NFATC2: variants seen among roughly 807,000 people sequenced by gnomAD.
NFATC2 encodes nuclear factor of activated T-cells, cytoplasmic 2.
NFATC2 carries 22 observed loss-of-function variants against 87.3 expected under a neutral mutation model. That is an observed-to-expected ratio of 0.25 (90% CI 0.18 to 0.36). The LOEUF is 0.36. Ranked by LOEUF, NFATC2 falls within the 10% of genes least tolerant of loss-of-function variation. The pLI, the probability that NFATC2 is intolerant of heterozygous loss-of-function variation, is 1.00. For synonymous variants in NFATC2, 565 were observed against 542.2 expected (o/e 1.04, Z -0.58); for missense variants, 1,149 against 1,259.1 (o/e 0.91, Z 1.32).
At chr20:51,527,164 G>A (rs899103441) in intron 1 of NFATC2, among the ~76,000 whole-genome samples, 24 of 139,050 alleles carry the variant, frequency 1.7e-4, no homozygotes, top group African/African-American at 5.9e-4. Flanking sequence ...GCCTCCCAAA[G>A]TGTTGTGATT....
chr20:51,401,899 G>A (rs1664763287), intron 9 of NFATC2, among the ~76,000 whole-genome samples: 1 of 152,138 alleles, frequency 6.6e-6, no homozygotes, highest in Admixed American at 6.5e-5. Context: ...CCAAGAATCT[G>A]TCTCCTTGAC....
intron 10 of NFATC2, among the ~76,000 whole-genome samples, chr20:51,393,798 A>G (rs554008877): frequency 4.6e-5 from 7 of 152,202 alleles, no homozygotes; most frequent in South Asian, 4.2e-4. Context: ...CTTAATGAAA[A>G]CTTTCCACAG....
chr20:51,505,544 A>C (rs902028235), intron 3 of NFATC2, among the ~76,000 whole-genome samples: 7 of 151,932 alleles, frequency 4.6e-5, no homozygotes, highest in African/African-American at 1.7e-4. Context: ...ATACGAATGA[A>C]ATTTTTCGAA....
intron 3 of NFATC2, among the ~76,000 whole-genome samples, chr20:51,501,868 C>T (rs1043636796): frequency 6.6e-6 from 1 of 152,198 alleles, no homozygotes; most frequent in African/African-American, 2.4e-5. Flanking sequence ...GCTCTGCAGG[C>T]CACACATACA....
Position 51,391,081 on chromosome 20 carries a change from C to G in NFATC2, c.*415G>C, listed in dbSNP as rs556142242. ...CCCCCCAAGCTCCAGTCACTCTGTT[C>G]TCAGGAGAGTTCCAGTGTCCTGTCT... On this transcript the variant is annotated 3_prime_UTR_variant, in exon 11 of 11. Coordinates refer to ENST00000371564, the MANE Select transcript of NFATC2 (RefSeq NM_012340.5). The G allele has an allele frequency of 2.0e-6, 1 of 488,904 alleles. No individual in the cohort carries two copies. Among genetic ancestry groups the G allele is most frequent in the Non-Finnish European group, 3.9e-6 (1 of 259,076 alleles). The allele number at this position is 488,904 out of a possible 1,614,324, so 30.3% of individuals were successfully genotyped here.
At chr20:51,435,078 G>T in intron 8 of NFATC2, 110 bp downstream of exon 8, 2 of 1,370,290 alleles carry the variant, frequency 1.5e-6, no homozygotes, top group African/African-American at 1.5e-5. Context: ...GCTCAGAGAG[G>T]TTGAGTCATC....
chr20:51,439,962 C>G, intron 6 of NFATC2, among the ~76,000 whole-genome samples: 1 of 152,284 alleles, frequency 6.6e-6, no homozygotes, highest in South Asian at 2.1e-4. Flanking sequence ...CAGGGCCGGG[C>G]AAAGTGGCTC....
chr20:51,391,859 G>A (rs898779519), intron 10 of NFATC2, among the ~76,000 whole-genome samples: 1 of 152,010 alleles, frequency 6.6e-6, no homozygotes, highest in South Asian at 2.1e-4. Context: ...CCTTGTGCTT[G>A]TATATTTGAC....
intron 3 of NFATC2, among the ~76,000 whole-genome samples, chr20:51,477,095 C>T (rs974504848): frequency 6.6e-6 from 1 of 151,990 alleles, no homozygotes; most frequent in Non-Finnish European, 1.5e-5. Flanking sequence ...AAAATGTTTA[C>T]AAAAACAAAC....
intron 3 of NFATC2, among the ~76,000 whole-genome samples, chr20:51,493,284 G>A (rs73910888): frequency 0.015 from 2,238 of 151,708 alleles, 58 homozygotes; most frequent in African/African-American, 0.052. Context: ...ATTGGTATAA[G>A]CACAGCTCTT....
intron 9 of NFATC2, among the ~76,000 whole-genome samples, chr20:51,405,407 G>T: frequency 7.2e-6 from 1 of 139,384 alleles, no homozygotes; most frequent in East Asian, 2.2e-4. Flanking sequence ...GGAACTGTGG[G>T]TGTGCAGGCG....
At chr20:51,468,621 G>A (rs1987913008) in intron 5 of NFATC2, among the ~76,000 whole-genome samples, 1 of 152,238 alleles carries the variant, frequency 6.6e-6, no homozygotes, top group Admixed American at 6.5e-5. Flanking sequence ...GTGTGTGCCT[G>A]TGGACATCTC....
At chr20:51,547,860 C>T (rs1423367151) in intron 1 of NFATC2, among the ~76,000 whole-genome samples, 1 of 152,162 alleles carries the variant, frequency 6.6e-6, no homozygotes, top group Admixed American at 6.5e-5. Context: ...ACTAACTTCA[C>T]TGTTCTTCCT....
chr20:51,410,544 AAG>A (rs926010750), intron 9 of NFATC2, among the ~76,000 whole-genome samples: 2 of 151,636 alleles, frequency 1.3e-5, no homozygotes, highest in African/African-American at 2.4e-5. Flanking sequence ...AAAGGAAAGG[AAG>A]AGAGGGAGAG....
intron 3 of NFATC2, among the ~76,000 whole-genome samples, chr20:51,482,394 G>A (rs981530159): frequency 6.6e-6 from 1 of 151,446 alleles, no homozygotes; most frequent in African/African-American, 2.4e-5. Flanking sequence ...AAAGTACTAA[G>A]AGCTCACTCA....
At chr20:51,445,509 A>G (rs1220942713) in intron 6 of NFATC2, among the ~76,000 whole-genome samples, 1 of 152,146 alleles carries the variant, frequency 6.6e-6, no homozygotes, top group Non-Finnish European at 1.5e-5. Flanking sequence ...ATACCTTTTT[A>G]CTGCAAGTAT....
Position 51,411,439 on chromosome 20 carries a change from C to CAT in NFATC2, c.2723-12711_2723-12710dup, listed in dbSNP as rs1269323930. On this transcript the variant is annotated intron_variant, in intron 9 of 10. Coordinates refer to ENST00000371564, the MANE Select transcript of NFATC2 (RefSeq NM_012340.5). Reference sequence around the variant, plus strand: ...CCATGCACACACACATACACACACCCATACACACACACACAGTATAACTAC... The same window carrying CAT: ...CCATGCACACACACATACACACACCCATATACACACACACACAGTATAACTAC... Among the ~76,000 whole-genome samples the CAT allele has an allele frequency of 2.6e-5, 4 of 151,508 alleles. No individual in the cohort carries two copies. In the South Asian group the frequency reaches 6.3e-4, roughly 24 times the overall value.
At chr20:51,397,833 T>TG (rs545604173) in intron 10 of NFATC2, among the ~76,000 whole-genome samples, 108 of 152,324 alleles carry the variant, frequency 7.1e-4, no homozygotes, top group African/African-American at 2.5e-3. Flanking sequence ...CTGTGTGTGC[T>TG]GGTTTATTCC....
intron 10 of NFATC2, among the ~76,000 whole-genome samples, chr20:51,393,556 G>A (rs2146202600): frequency 6.6e-6 from 1 of 152,200 alleles, no homozygotes; most frequent in East Asian, 1.9e-4. Flanking sequence ...TGTGTACTGG[G>A]TAACAGCTGA....
Sources: allele counts gnomAD v4.1 joint callset (sites outside exome capture counted in the v4.1 genomes callset), GRCh38; gene constraint gnomAD v4.1.1; transcripts MANE v1.5; gene names NCBI Gene and HGNC (gene_info 2026-07-23, HGNC 2026-07-21).